The following DLGAP1 variants were observed in gnomAD, a reference collection of about 807,000 sequenced individuals.
DLGAP1 encodes the protein disks large-associated protein 1.
Under a neutral mutation model 90.8 loss-of-function variants are expected in DLGAP1, and 11 were observed. The ratio of observed to expected loss-of-function variants is 0.12; its 90% CI spans 0.08 to 0.20. The LOEUF is 0.20. DLGAP1 is among the 10% of genes least tolerant of loss of function. The probability of loss-of-function intolerance (pLI) is 1.00; values close to 1 mark genes in which losing one functional copy is unlikely to be tolerated. For synonymous variants in DLGAP1, 558 were observed against 540.7 expected, an observed-to-expected ratio of 1.03 and a Z score of -0.44; for missense variants, 1,050 against 1,333.8, an observed-to-expected ratio of 0.79 and a Z score of 3.31.
At chr18:4,232,146 C>G (rs1173633412) in intron 1 of DLGAP1, among the ~76,000 whole-genome samples, 1 of 152,060 alleles carries the variant, frequency 6.6e-6, no homozygotes, top group Non-Finnish European at 1.5e-5. Flanking sequence ...AAACAATGAG[C>G]ATAAAACCTA....
intron 1 of DLGAP1, among the ~76,000 whole-genome samples, chr18:4,437,665 G>C (rs1019346330): frequency 1.3e-5 from 2 of 152,148 alleles, no homozygotes; most frequent in African/African-American, 4.8e-5. Context: ...GATACAGAAG[G>C]CTGACTGTAC....
At chr18:3,908,496 G>A (rs1383528633) in intron 3 of DLGAP1, among the ~76,000 whole-genome samples, 3 of 152,094 alleles carry the variant, frequency 2.0e-5, no homozygotes, top group African/African-American at 7.2e-5. Context: ...AAAAGCCTGG[G>A]GTTTGGCCTG....
chr18:4,290,742 T>C (rs2079825833), intron 1 of DLGAP1, among the ~76,000 whole-genome samples: 1 of 152,298 alleles, frequency 6.6e-6, no homozygotes, highest in Non-Finnish European at 1.5e-5. Context: ...GTTTAAAGTA[T>C]TTTGATTTAA....
At chr18:4,292,139 A>C (rs114414249) in intron 1 of DLGAP1, among the ~76,000 whole-genome samples, 1 of 152,278 alleles carries the variant, frequency 6.6e-6, no homozygotes, top group African/African-American at 2.4e-5. Context: ...CCATTAATGA[A>C]CTCAATTGTT....
chr18:3,797,149 T>C (rs765795487), intron 5 of DLGAP1, among the ~76,000 whole-genome samples: 1 of 152,040 alleles, frequency 6.6e-6, no homozygotes, highest in Non-Finnish European at 1.5e-5. Flanking sequence ...CTGGCTAACA[T>C]GGTGAAACCT....
At chr18:4,016,060 A>G (rs1325321473) in intron 2 of DLGAP1, among the ~76,000 whole-genome samples, 1 of 152,256 alleles carries the variant, frequency 6.6e-6, no homozygotes, top group Non-Finnish European at 1.5e-5. Flanking sequence ...TAATGAACAC[A>G]TGCTATCAGC....
intron 3 of DLGAP1, among the ~76,000 whole-genome samples, chr18:3,937,728 A>G (rs1233893367): frequency 6.6e-6 from 1 of 152,196 alleles, no homozygotes; most frequent in East Asian, 1.9e-4. Flanking sequence ...CTGTTTCCTT[A>G]TAGGAAGTCC....
chr18:4,202,014 C>A (rs1317757343), intron 1 of DLGAP1, among the ~76,000 whole-genome samples: 1 of 152,066 alleles, frequency 6.6e-6, no homozygotes, highest in African/African-American at 2.4e-5. Context: ...GTCAGAGACC[C>A]CTGAGCTTTT....
Position 3,653,248 on chromosome 18 carries a change from GT to G in DLGAP1, c.1592-71001del, listed in dbSNP as rs2059375278. Among the ~76,000 whole-genome samples the G allele has an allele frequency of 6.6e-6, 1 of 152,090 alleles. No homozygotes were observed. Among genetic ancestry groups the G allele is most frequent in the South Asian group, 2.1e-4 (1 of 4,822 alleles). On this transcript the variant is annotated intron_variant, in intron 7 of 12. Coordinates refer to ENST00000315677, the MANE Select transcript of DLGAP1 (RefSeq NM_004746.4). The surrounding 1 kb of genome is among the most constrained non-coding windows in gnomAD (Gnocchi z 4.6). ...TTCCTTCCCTGCCATTGGTGCGACT[GT>G]TTCCCCCTTCCGTCAAATTGCTGTC...
chr18:4,065,402 T>C (rs190377324), intron 2 of DLGAP1, among the ~76,000 whole-genome samples: 59 of 152,224 alleles, frequency 3.9e-4, no homozygotes, highest in Non-Finnish European at 6.6e-4. Flanking sequence ...GCAGATGACA[T>C]GATCCTATTT....
chr18:4,234,545 T>C (rs749061580), intron 1 of DLGAP1, among the ~76,000 whole-genome samples: 39 of 152,190 alleles, frequency 2.6e-4, no homozygotes, highest in Admixed American at 7.9e-4. Flanking sequence ...TTGAAAGATT[T>C]CTTTGGATTT....
intron 3 of DLGAP1, among the ~76,000 whole-genome samples, chr18:3,976,069 G>A (rs1016493026): frequency 2.0e-5 from 3 of 152,040 alleles, no homozygotes; most frequent in Admixed American, 6.6e-5. Flanking sequence ...GGTTAAGGCC[G>A]AGGGCAGTGG....
At chr18:4,233,543 C>A (rs1030527827) in intron 1 of DLGAP1, among the ~76,000 whole-genome samples, 1 of 152,112 alleles carries the variant, frequency 6.6e-6, no homozygotes, top group Non-Finnish European at 1.5e-5. Context: ...TTGTTAACCT[C>A]GGCCTGGTTA....
At chr18:3,769,154 T>A (rs1403886668) in intron 5 of DLGAP1, among the ~76,000 whole-genome samples, 1 of 152,094 alleles carries the variant, frequency 6.6e-6, no homozygotes, top group Non-Finnish European at 1.5e-5. Context: ...GAGTTCAACA[T>A]CACTAGTCAT....
rs2083904801 is a variant in DLGAP1, at chr18:4,454,057, G to A, written c.-267+949C>T. On this transcript the variant is annotated intron_variant, in intron 1 of 12. Transcript: ENST00000315677. The surrounding 1 kb of genome is among the most constrained non-coding windows in gnomAD (Gnocchi z 4.7). The stretch of plus-strand genomic sequence containing the variant: ...ACAGGCACTCAGTGTCTCCGGCGCC[G>A]GCAGCCGAGCCACGGGCCACCCCTT... Among the ~76,000 whole-genome samples the A allele has an allele frequency of 1.3e-5, 2 of 152,206 alleles. No homozygotes were observed. Among genetic ancestry groups the A allele is most frequent in the South Asian group, 4.1e-4 (2 of 4,830 alleles).
intron 7 of DLGAP1, among the ~76,000 whole-genome samples, chr18:3,698,131 C>T (rs1014551867): frequency 6.6e-6 from 1 of 152,182 alleles, no homozygotes; most frequent in African/African-American, 2.4e-5. Flanking sequence ...GGCCTTGACT[C>T]TTTATCCAAT....
intron 1 of DLGAP1, among the ~76,000 whole-genome samples, chr18:4,301,424 T>C (rs2080123173): frequency 6.6e-6 from 1 of 152,218 alleles, no homozygotes; most frequent in African/African-American, 2.4e-5. Context: ...TTTAACTTAA[T>C]ATTCTCCAGT....
intron 1 of DLGAP1, among the ~76,000 whole-genome samples, chr18:4,402,798 T>C (rs180967686): frequency 6.6e-6 from 1 of 152,254 alleles, no homozygotes; most frequent in East Asian, 1.9e-4. Context: ...GTCTGGCTTA[T>C]TTTTTTCACC....
At chr18:4,188,480 G>A (rs942737757) in intron 1 of DLGAP1, among the ~76,000 whole-genome samples, 5 of 151,838 alleles carry the variant, frequency 3.3e-5, no homozygotes, top group South Asian at 2.1e-4. Context: ...CTCACACCCC[G>A]ACAAGGCCCA....
Sources: gnomAD v4.1 joint callset for allele counts (sites outside exome capture counted in the v4.1 genomes callset) on GRCh38, gnomAD v4.1.1 for gene constraint, Gnocchi (gnomAD v3.1) non-coding constraint, MANE v1.5 for transcripts, NCBI Gene and HGNC (gene_info 2026-07-23, HGNC 2026-07-21) for gene names.